GLCCI1: variants seen among roughly 807,000 people sequenced by gnomAD.
GLCCI1 encodes the protein glucocorticoid-induced transcript 1 protein.
In GLCCI1, 24 loss-of-function variants were observed where a neutral mutation model predicts 52.2. The observed-to-expected ratio is 0.46, with a 90% CI of 0.33 to 0.65. The LOEUF (loss-of-function observed/expected upper bound fraction) is 0.65. Among genes scored for constraint, GLCCI1 ranks in the 30% least tolerant of loss-of-function variants. GLCCI1 has a pLI of 0.02. For synonymous variants in GLCCI1, 310 were observed against 276.5 expected (o/e 1.12, Z -1.20); for missense variants, 704 against 701.5 (o/e 1.00, Z -0.04).
At chr7:8,010,058 T>C (rs969807289) in intron 2 of GLCCI1, among the ~76,000 whole-genome samples, 1 of 152,192 alleles carries the variant, frequency 6.6e-6, no homozygotes, top group Non-Finnish European at 1.5e-5. Flanking sequence ...TTGAGTTTTA[T>C]AGGCCTTAAA....
intron 1 of GLCCI1, among the ~76,000 whole-genome samples, chr7:7,998,630 T>C (rs1780992886): frequency 6.6e-6 from 1 of 152,234 alleles, no homozygotes; most frequent in African/African-American, 2.4e-5. Flanking sequence ...TTTCTTACTT[T>C]CTAGTGTTCC....
chr7:8,076,765 C>T (rs1193307539), intron 6 of GLCCI1, among the ~76,000 whole-genome samples: 1 of 152,034 alleles, frequency 6.6e-6, no homozygotes, highest in Non-Finnish European at 1.5e-5. Flanking sequence ...AGTAAATGAC[C>T]ATATTTTGGT....
At chr7:8,007,418 A>G (rs1333713619) in intron 2 of GLCCI1, among the ~76,000 whole-genome samples, 1 of 152,182 alleles carries the variant, frequency 6.6e-6, no homozygotes, top group Non-Finnish European at 1.5e-5. Flanking sequence ...GGCTGATTCT[A>G]AAGCGTTTCC....
Position 8,042,145 on chromosome 7 carries a change from G to A in GLCCI1, c.697-13288G>A, listed in dbSNP as rs75623339. Among the ~76,000 whole-genome samples, 429 of 152,210 alleles carry A rather than the reference G, an allele frequency of 2.8e-3. 2 individuals carry two copies. The highest frequency in any genetic ancestry group is 9.2e-3 in the Admixed American group (140 of 15,294). On this transcript the variant is annotated intron_variant, in intron 3 of 7. Transcript: ENST00000223145. The stretch of plus-strand genomic sequence containing the variant: ...ATTTGCCTGGTCACCCAAAAGCTCC[G>A]ATGGGGATATAAAAAAAATTAATGT...
rs563719866 is a variant in GLCCI1 at position 7,999,268 on chromosome 7, C to G, written c.458-4640C>G. On this transcript the variant is annotated intron_variant, in intron 1 of 7. Coordinates refer to ENST00000223145, the MANE Select transcript of GLCCI1 (RefSeq NM_138426.4). ...ATAGATTAGAATATTATTATACAGA[C>G]CAAGGGACTCATTTATAGATTGTTT... is the stretch of plus-strand genomic sequence containing the variant. 6.6e-5 allele frequency among the ~76,000 whole-genome samples: 10 copies of G among 151,960 alleles called. No homozygotes were observed. The South Asian group carries it at 2.1e-3, about 32-fold the overall frequency.
At chr7:8,080,894 G>A (rs1400933053) in intron 6 of GLCCI1, among the ~76,000 whole-genome samples, 5 of 142,324 alleles carry the variant, frequency 3.5e-5, no homozygotes, top group East Asian at 2.1e-4. Context: ...AGGTGGTCTC[G>A]AACTCCTGGC....
At chr7:8,085,503 AGAGGTTCTTG>A (rs562950250) in intron 7 of GLCCI1, among the ~76,000 whole-genome samples, 105 of 152,364 alleles carry the variant, frequency 6.9e-4, no homozygotes, top group African/African-American at 2.3e-3. Context: ...AATTAGAAAA[AGAGGTTCTTG>A]CTGTAAACAC....
In GLCCI1 at chr7:8,055,440, C is replaced by G; in HGVS notation, c.704C>G (p.Ala235Gly). 6.2e-7 allele frequency: 1 copy of G among 1,612,102 alleles called. No homozygotes were observed. Among genetic ancestry groups the G allele is most frequent in the Non-Finnish European group, 8.5e-7 (1 of 1,178,448 alleles). ...CTTTCCCTGTCCCCAAAGCAGATCG[C>G]CAAACTGAGGCAGCAACTACAACGC... ...GSADQLKEQI[A>G]KLRQQLQRSK... The change falls in exon 4 of 8, where the codon GCC (alanine) becomes GGC (glycine). Residue 235 changes from alanine to glycine, a missense_variant. This residue lies in a region of GLCCI1 where 547 missense variants were observed against 524.8 expected (regional missense o/e 1.04). Transcript: ENST00000223145.
At position 7,969,205 on chromosome 7, in the gene GLCCI1, C is replaced by A; in HGVS notation, c.-146C>A. The A allele has an allele frequency of 1.4e-6, 1 of 714,272 alleles. No homozygotes were observed. Among genetic ancestry groups the A allele is most frequent in the Non-Finnish European group, 1.8e-6 (1 of 545,700 alleles). 44.2% of individuals were successfully genotyped at this position (714,272 alleles called of 1,614,324 possible). A position where few individuals can be genotyped will look rare whatever the true frequency, so the allele number is the denominator to read the frequency against. ...GGGGGTGTGCGTTGGGGAGGGGGAGCCCCGAGACTCCTCCCCCACAGCGAT... is the reference window on the plus strand; with the variant it reads ...GGGGGTGTGCGTTGGGGAGGGGGAGACCCGAGACTCCTCCCCCACAGCGAT... On this transcript the variant is annotated 5_prime_UTR_variant, in exon 1 of 8. Transcript: ENST00000223145. The surrounding 1 kb of genome is among the most constrained non-coding windows in gnomAD (Gnocchi z 4.9).
intron 1 of GLCCI1, among the ~76,000 whole-genome samples, chr7:7,999,517 G>A (rs1781011121): frequency 6.6e-6 from 1 of 152,120 alleles, no homozygotes; most frequent in Non-Finnish European, 1.5e-5. Context: ...TGACGTGGGA[G>A]GATAGCTTGA....
At position 8,083,707 on chromosome 7, in the gene GLCCI1, GTTA is replaced by G. The variant is rs995275620; in HGVS notation, c.1178-1184_1178-1182del. On this transcript the variant is annotated intron_variant, in intron 6 of 7. Transcript: ENST00000223145. ...TTTCTAGCTTTCCCAATAGTATAAC[GTTA>G]TTATTTTGCAGACAGTGGTTTCCCA... is the stretch of plus-strand genomic sequence containing the variant. Among the ~76,000 whole-genome samples the G allele has an allele frequency of 2.0e-3, 302 of 151,212 alleles. 1 individual carries two copies. The highest frequency in any genetic ancestry group is 7.1e-3 in the African/African-American group (287 of 40,626).
chr7:8,016,696 A>G (rs983387631), intron 2 of GLCCI1, among the ~76,000 whole-genome samples: 5 of 152,176 alleles, frequency 3.3e-5, no homozygotes, highest in Admixed American at 1.3e-4. Flanking sequence ...TTTGGGGGAC[A>G]ACTATTATTG....
chr7:7,998,739 G>A (rs185840717), intron 1 of GLCCI1, among the ~76,000 whole-genome samples: 2 of 152,230 alleles, frequency 1.3e-5, no homozygotes, highest in East Asian at 1.9e-4. Flanking sequence ...TTTTGAAGGA[G>A]CTGACTACAT....
Position 7,969,279 on chromosome 7 carries a change from C to T in GLCCI1, c.-72C>T. The T allele has an allele frequency of 1.6e-6, 2 of 1,266,874 alleles. No individual in the cohort carries two copies. Among genetic ancestry groups the T allele is most frequent in the Non-Finnish European group, 2.0e-6 (2 of 991,676 alleles). The allele number at this position is 1,266,874 out of a possible 1,614,324, so 78.5% of individuals were successfully genotyped here. A position where few individuals can be genotyped will look rare whatever the true frequency, so the allele number is the denominator to read the frequency against. ...ACTCGCACGCACTATCGCGCCGGCT[C>T]CCACACGCTCGCGCGCCTCCCGCCC... On this transcript the variant is annotated 5_prime_UTR_variant, in exon 1 of 8. Coordinates refer to ENST00000223145, the MANE Select transcript of GLCCI1 (RefSeq NM_138426.4). The surrounding 1 kb of genome is among the most constrained non-coding windows in gnomAD (Gnocchi z 4.9).
chr7:7,985,978 G>A (rs561042276), intron 1 of GLCCI1, among the ~76,000 whole-genome samples: 1 of 152,242 alleles, frequency 6.6e-6, no homozygotes, highest in African/African-American at 2.4e-5. Flanking sequence ...GTTGGTACCT[G>A]TGTATGGCAA....
intron 5 of GLCCI1, among the ~76,000 whole-genome samples, chr7:8,064,291 G>A (rs1366141275): frequency 6.6e-6 from 1 of 152,172 alleles, no homozygotes; most frequent in Non-Finnish European, 1.5e-5. Flanking sequence ...ATGGTGTGAG[G>A]AAGGTATCCA....
intron 3 of GLCCI1, among the ~76,000 whole-genome samples, chr7:8,050,860 T>C (rs985894137): frequency 6.6e-6 from 1 of 152,206 alleles, no homozygotes; most frequent in Non-Finnish European, 1.5e-5. Flanking sequence ...TACCTGTATT[T>C]CTTCACCTTT....
At chr7:8,001,930 A>G (rs1383555654) in intron 1 of GLCCI1, among the ~76,000 whole-genome samples, 2 of 152,138 alleles carry the variant, frequency 1.3e-5, no homozygotes. Flanking sequence ...GGAACATCAC[A>G]CACCAGGGCC....
intron 1 of GLCCI1, among the ~76,000 whole-genome samples, chr7:7,993,412 G>A (rs1447235646): frequency 6.6e-6 from 1 of 152,000 alleles, no homozygotes; most frequent in Non-Finnish European, 1.5e-5. Flanking sequence ...CTTTACTGTT[G>A]GATTCCATGT....
Sources: gnomAD v4.1 joint callset for allele counts (sites outside exome capture counted in the v4.1 genomes callset) on GRCh38, gnomAD v4.1.1 for gene constraint, gnomAD v4.1.1 regional missense constraint, Gnocchi (gnomAD v3.1) non-coding constraint, MANE v1.5 for transcripts, NCBI Gene and HGNC (gene_info 2026-07-23, HGNC 2026-07-21) for gene names.